Variants in PIWIL2 observed in about 807,000 individuals in gnomAD.
The protein encoded by PIWIL2 is piwi like RNA-mediated gene silencing 2, also known as piwi-like protein 2.
Under a neutral mutation model 116.5 loss-of-function variants are expected in PIWIL2, and 81 were observed. The observed-to-expected ratio is 0.70, with a 90% CI of 0.58 to 0.84. The LOEUF (loss-of-function observed/expected upper bound fraction) is 0.84. Ranked by LOEUF, PIWIL2 falls within the 40% of genes least tolerant of loss-of-function variation. The probability of loss-of-function intolerance (pLI) is 0.00; values close to 1 mark genes in which losing one functional copy is unlikely to be tolerated. For missense variants in PIWIL2, 1,272 were observed against 1,212.3 expected, an observed-to-expected ratio of 1.05 and a Z score of -0.73; for synonymous variants, 489 against 429.5, an observed-to-expected ratio of 1.14 and a Z score of -1.71.
chr8:22,327,786 C>T (rs2132074335), intron 20 of PIWIL2, among the ~76,000 whole-genome samples: 1 of 152,244 alleles, frequency 6.6e-6, no homozygotes, highest in South Asian at 2.1e-4. Flanking sequence ...ATCCTTTGCC[C>T]ATTTAAATTG....
Position 22,304,849 on chromosome 8 carries a change from G to A in PIWIL2, c.1436G>A (p.Arg479Lys), listed in dbSNP as rs1831137288. The A allele has an allele frequency of 1.2e-6, 2 of 1,609,104 alleles. No homozygotes were observed. The highest frequency in any genetic ancestry group is 1.7e-6 in the Non-Finnish European group (2 of 1,175,418). ...TTGCTGATTCACAGGCCCAGTGAGA[G>A]ACAGGATAATCATGGGATGGTGAGT... The part of the protein sequence containing the change: ...QPLLIHRPSE[R>K]QDNHGMLLKG... The change falls in exon 12 of 23, where the codon AGA becomes AAA. Residue 479 changes from arginine to lysine, a missense_variant. Arg to Lys is a conservative substitution (Grantham distance 26). Coordinates refer to ENST00000356766, the MANE Select transcript of PIWIL2 (RefSeq NM_018068.5).
chr8:22,355,340 G>A lies in PIWIL2; in HGVS notation c.2766-9G>A, dbSNP rs1832465303. On this transcript the variant is annotated splice_polypyrimidine_tract_variant and intron_variant, in intron 22 of 22. Transcript: ENST00000356766. Reference sequence around the variant, plus strand: ...ATGATGAGAATTATATTTTCTTCTTGGCCTACAGGCTGACTTTCAAACTGT... The same window carrying A: ...ATGATGAGAATTATATTTTCTTCTTAGCCTACAGGCTGACTTTCAAACTGT... The A allele has an allele frequency of 6.2e-7, 1 of 1,613,608 alleles. No homozygotes were observed. The highest frequency in any genetic ancestry group is 1.3e-5 in the African/African-American group (1 of 74,900).
intron 20 of PIWIL2, 74 bp from the exon 21 acceptor site, chr8:22,352,885 G>A (rs753549886): frequency 2.5e-5 from 36 of 1,437,634 alleles, no homozygotes; most frequent in African/African-American, 4.2e-5. Flanking sequence ...TACACAATGC[G>A]AGTGGGCCTC....
At chr8:22,353,708 T>C (rs537587852) in intron 21 of PIWIL2, among the ~76,000 whole-genome samples, 1 of 150,984 alleles carries the variant, frequency 6.6e-6, no homozygotes, top group South Asian at 2.1e-4. Context: ...ACATACCTTG[T>C]TTTGCTAAGA....
chr8:22,283,106 A>G lies in PIWIL2; in HGVS notation c.498A>G (p.Glu166=). ...GAGCAGCAGGTGGTATCAGCAGAGA[A>G]GTGGACAAGCCTCCCTGTACCTTCA... ...LGRAAGGISR[E]VDKPPCTFST... The change falls in exon 5 of 23, where the codon GAA becomes GAG. Residue 166 remains glutamate, a synonymous_variant. Coordinates refer to ENST00000356766, the MANE Select transcript of PIWIL2 (RefSeq NM_018068.5). 1 of 1,614,140 alleles carries G rather than the reference A, an allele frequency of 6.2e-7. No individual in the cohort carries two copies. The highest frequency in any genetic ancestry group is 8.5e-7 in the Non-Finnish European group (1 of 1,180,018).
At chr8:22,309,450 GC>G (rs1831271104) in intron 14 of PIWIL2, among the ~76,000 whole-genome samples, 2 of 151,786 alleles carry the variant, frequency 1.3e-5, no homozygotes, top group African/African-American at 4.8e-5. Flanking sequence ...TAAATCTCCT[GC>G]CTCTGCCTCC....
In PIWIL2 at chr8:22,304,105, T is replaced by A. The variant is rs568008012; in HGVS notation, c.1266T>A (p.Tyr422Ter). Residue 422 changes from tyrosine to a stop codon, truncating the protein, a stop_gained, in exon 11 of 23, where the codon TAT becomes TAA. Transcript: ENST00000356766. LOFTEE classifies it high-confidence loss of function. ...TTGGCAATATTGTTATCACCCGATA[T>A]AACAATCGTACCTATCGTATTGATG... Reference protein sequence around the residue: ...LLVGNIVITRYNNRTYRIDDV... With the variant: ...LLVGNIVITR 6.2e-7 allele frequency: 1 copy of A among 1,611,858 alleles called. No homozygotes were observed. The highest frequency in any genetic ancestry group is 1.3e-5 in the African/African-American group (1 of 74,896).
At position 22,284,177 on chromosome 8, in the gene PIWIL2, G is replaced by A. The variant is rs1830579746; in HGVS notation, c.648G>A (p.Lys216=). 3 of 1,578,730 alleles carry A rather than the reference G, an allele frequency of 1.9e-6. No individual in the cohort carries two copies. The highest frequency in any genetic ancestry group is 2.6e-6 in the Non-Finnish European group (3 of 1,162,436). ...VEHKEKELIV[K]QGSKGTPQSL... is the part of the protein sequence containing the mutation. ...TATTTTCTAGAGAGCTTATTGTGAA[G>A]CAAGGATCAAAAGGAACACCTCAGT... The change falls in exon 6 of 23, where the codon AAG becomes AAA. Residue 216 remains lysine (K), a synonymous_variant. Coordinates refer to ENST00000356766, the MANE Select transcript of PIWIL2 (RefSeq NM_018068.5).
Position 22,290,070 on chromosome 8 carries a change from G to A in PIWIL2, c.1067+143G>A, listed in dbSNP as rs149403283. The A allele has an allele frequency of 1.7e-4, 123 of 735,452 alleles. No homozygotes were observed. In the African/African-American group the frequency reaches 1.7e-3, roughly 10 times the overall value. The allele number at this position is 735,452 out of a possible 1,614,324, so 45.6% of individuals were successfully genotyped here. ...TCAATTAAATCTCTTCCTTAGTTTG[G>A]TTTTTCAGTAAGTTTGCAATAATGT... On this transcript the variant is annotated intron_variant, in intron 9 of 22. Transcript: ENST00000356766.
chr8:22,287,369 G>A (rs1830652329), intron 6 of PIWIL2, among the ~76,000 whole-genome samples, 159 bp from the exon 7 acceptor site: 2 of 152,224 alleles, frequency 1.3e-5, no homozygotes. Flanking sequence ...TCAGCTGCGA[G>A]CAGGTCTTCT....
At chr8:22,314,537 G>C (rs774716160) in intron 17 of PIWIL2, 108 bp downstream of exon 17, 1 of 504,018 alleles carries the variant, frequency 2.0e-6, no homozygotes. Context: ...TTAGAAGCCA[G>C]TATGTGCTGA....
intron 13 of PIWIL2, among the ~76,000 whole-genome samples, chr8:22,307,687 A>G (rs1831219664): frequency 6.6e-6 from 1 of 151,770 alleles, no homozygotes; most frequent in Non-Finnish European, 1.5e-5. Flanking sequence ...AGTCTTGCCC[A>G]TGTTGCCCAT....
At chr8:22,316,108 T>G in intron 18 of PIWIL2, 137 bp from the exon 19 acceptor site, 1 of 599,482 alleles carries the variant, frequency 1.7e-6, no homozygotes, top group Non-Finnish European at 3.0e-6. Flanking sequence ...GATTGTCTTT[T>G]TTTTTTCTTT....
intron 1 of PIWIL2, among the ~76,000 whole-genome samples, chr8:22,276,616 G>A (rs1021602316): frequency 1.3e-5 from 2 of 152,144 alleles, no homozygotes; most frequent in African/African-American, 4.8e-5. Context: ...CCCCGGCCAA[G>A]ACAGCTTTTT....
At chr8:22,328,413 G>A (rs1015866424) in intron 20 of PIWIL2, among the ~76,000 whole-genome samples, 3 of 151,986 alleles carry the variant, frequency 2.0e-5, no homozygotes, top group African/African-American at 7.3e-5. Flanking sequence ...TTGCTATTCA[G>A]TGCCCCCTTG....
At chr8:22,323,882 G>A (rs570075422) in intron 20 of PIWIL2, among the ~76,000 whole-genome samples, 1 of 152,138 alleles carries the variant, frequency 6.6e-6, no homozygotes, top group African/African-American at 2.4e-5. Flanking sequence ...CAGTAACATG[G>A]CTTTACCCCT....
In PIWIL2 at chr8:22,289,931, G is replaced by C. The variant is rs1422940828; in HGVS notation, c.1067+4G>C. The C allele has an allele frequency of 1.3e-6, 2 of 1,596,010 alleles. No homozygotes were observed. Among genetic ancestry groups the C allele is most frequent in the Non-Finnish European group, 1.7e-6 (2 of 1,164,214 alleles). Reference sequence around the variant, plus strand: ...CTATGGTACTACAGCAACACAGGTTGGTACTTTTTTCCCTTCCCTCACTTT... The same window carrying C: ...CTATGGTACTACAGCAACACAGGTTCGTACTTTTTTCCCTTCCCTCACTTT... On this transcript the variant is annotated splice_donor_region_variant and intron_variant, in intron 9 of 22. Transcript: ENST00000356766.
In PIWIL2 at chr8:22,353,206, G is replaced by A. The variant is rs765122247; in HGVS notation, c.2651G>A (p.Cys884Tyr). 3.1e-6 allele frequency: 5 copies of A among 1,610,656 alleles called. No homozygotes were observed. The highest frequency in any genetic ancestry group is 2.2e-5 in the South Asian group (2 of 90,832). The change falls in exon 21 of 23, where the codon TGT becomes TAT. Residue 884 changes from cysteine to tyrosine, a missense_variant. Physicochemically the swap from Cys to Tyr is radical, Grantham distance 194. Transcript: ENST00000356766. ...GTVVDHTITS[C>Y]EWVDFYLLAH... The stretch of plus-strand genomic sequence containing the variant: ...GTGGTAGATCATACAATAACAAGCT[G>A]TGAGTGGTAAGTGAGCAAAATATGT...
Position 22,289,889 on chromosome 8 carries a change from T to C in PIWIL2, c.1029T>C (p.Phe343=), listed in dbSNP as rs754140376. 6.2e-7 allele frequency: 1 copy of C among 1,612,804 alleles called. No individual in the cohort carries two copies. The highest frequency in any genetic ancestry group is 8.5e-7 in the Non-Finnish European group (1 of 1,178,792). ...ATATGAAGCTTGTGGGGAGAAACTT[T>C]TATGACCCTACAAGTGCTATGGTAC... ...LLDMKLVGRN[F]YDPTSAMVLQ... Residue 343 remains phenylalanine (F), a synonymous_variant, in exon 9 of 23, where the codon TTT becomes TTC. Coordinates refer to ENST00000356766, the MANE Select transcript of PIWIL2 (RefSeq NM_018068.5).
Sources: allele counts gnomAD v4.1 joint callset (sites outside exome capture counted in the v4.1 genomes callset), GRCh38; gene constraint gnomAD v4.1.1; transcripts MANE v1.5; gene names NCBI Gene and HGNC (gene_info 2026-07-23, HGNC 2026-07-21).